Variants in RBM25 observed in about 807,000 individuals in gnomAD.
The protein encoded by RBM25 is RNA-binding protein 25.
Under a neutral mutation model 120.7 loss-of-function variants are expected in RBM25, and 19 were observed. The ratio of observed to expected loss-of-function variants is 0.16; its 90% CI spans 0.11 to 0.23. The LOEUF (loss-of-function observed/expected upper bound fraction) is 0.23. Ranked by LOEUF, RBM25 falls within the 10% of genes least tolerant of loss-of-function variation. The pLI is 1.00. For synonymous variants in RBM25, 390 were observed against 326.7 expected (o/e 1.19, Z -2.09); for missense variants, 605 against 1,041.5 (o/e 0.58, Z 5.77).
intron 6 of RBM25, 42 bp downstream of exon 6, chr14:73,088,203 C>T: frequency 6.2e-7 from 1 of 1,606,350 alleles, no homozygotes; most frequent in East Asian, 2.2e-5. Context: ...CCAGACTGTG[C>T]TATTTCAGTG....
intron 5 of RBM25, among the ~76,000 whole-genome samples, chr14:73,085,191 G>A (rs977067223): frequency 1.4e-4 from 21 of 151,460 alleles, no homozygotes; most frequent in African/African-American, 5.1e-4. Context: ...GCTAATTTTT[G>A]TACTTTTAGT....
chr14:73,074,823 A>T (rs1363188473), intron 2 of RBM25, among the ~76,000 whole-genome samples: 1 of 150,908 alleles, frequency 6.6e-6, no homozygotes, highest in Non-Finnish European at 1.5e-5. Context: ...CTCCTGATTC[A>T]GTCTCCCTAA....
chr14:73,064,520 G>T (rs536192517), intron 1 of RBM25, among the ~76,000 whole-genome samples: 1 of 150,778 alleles, frequency 6.6e-6, no homozygotes, highest in Non-Finnish European at 1.5e-5. Context: ...TCAGTCTCCC[G>T]AGTAGCTGGG....
At chr14:73,080,586 C>T (rs1390478431) in intron 4 of RBM25, among the ~76,000 whole-genome samples, 1 of 151,892 alleles carries the variant, frequency 6.6e-6, no homozygotes, top group East Asian at 1.9e-4. Context: ...TGTGAAATAC[C>T]TTATTCCTAT....
rs1895653644 is a variant in RBM25, at chr14:73,085,113, G to T, written c.382+1562G>T. Among the ~76,000 whole-genome samples, 4 of 151,790 alleles carry T rather than the reference G, an allele frequency of 2.6e-5. No homozygotes were observed. In the South Asian group the frequency reaches 8.3e-4, roughly 32 times the overall value. ...GGCTCACTGCAATCTCCAACTCCCT[G>T]ATTCAAACGATTCTCCAGCCTCAGC... is the stretch of plus-strand genomic sequence containing the variant. On this transcript the variant is annotated intron_variant, in intron 5 of 18. Coordinates refer to ENST00000261973, the MANE Select transcript of RBM25 (RefSeq NM_021239.3).
intron 9 of RBM25, chr14:73,101,737 T>C (rs1173912494): frequency 6.6e-6 from 1 of 152,168 alleles, no homozygotes; most frequent in Non-Finnish European, 1.5e-5. Context: ...AAATATTCTG[T>C]AAGTATCTAT....
chr14:73,061,394 T>C (rs1772328962), intron 1 of RBM25, among the ~76,000 whole-genome samples: 2 of 151,386 alleles, frequency 1.3e-5, no homozygotes, highest in South Asian at 4.2e-4. Context: ...TGAACTATAT[T>C]GACATAGAAA....
intron 5 of RBM25, among the ~76,000 whole-genome samples, chr14:73,086,677 C>G (rs1395359800): frequency 6.6e-6 from 1 of 152,162 alleles, no homozygotes; most frequent in Non-Finnish European, 1.5e-5. Flanking sequence ...AACATTGACA[C>G]TATCATCAGC....
chr14:73,115,253 A>G (rs1477728182), intron 18 of RBM25, among the ~76,000 whole-genome samples: 1 of 151,728 alleles, frequency 6.6e-6, no homozygotes, highest in Non-Finnish European at 1.5e-5. Flanking sequence ...GGTTTGTTGA[A>G]CAGATTATTT....
chr14:73,110,947 G>C lies in RBM25; in HGVS notation c.1809G>C (p.Glu603Asp), dbSNP rs769763216. ...AAAAACGAGAAGAACCCATGGAAGAGGAAGAGGAGCCAGAGCAAAAGCCTT... is the reference window on the plus strand; with the variant it reads ...AAAAACGAGAAGAACCCATGGAAGACGAAGAGGAGCCAGAGCAAAAGCCTT... Reference protein sequence around the residue: ...KEEKREEPMEEEEEPEQKPCL... With the variant: ...KEEKREEPMEDEEEPEQKPCL... The change falls in exon 15 of 19, where the codon GAG becomes GAC. Residue 603 changes from glutamate (E) to aspartate (D), a missense_variant. Glu to Asp is a conservative substitution (Grantham distance 45, BLOSUM62 2). Around this residue, in one of 4 missense-constraint regions of RBM25, gnomAD observed 465 missense variants for 741.6 expected, o/e 0.63. Coordinates refer to ENST00000261973, the MANE Select transcript of RBM25 (RefSeq NM_021239.3). 6.2e-7 allele frequency: 1 copy of C among 1,612,668 alleles called. No homozygotes were observed. Among genetic ancestry groups the C allele is most frequent in the Admixed American group, 1.7e-5 (1 of 59,680 alleles).
intron 9 of RBM25, chr14:73,100,252 T>A: frequency 1.5e-6 from 1 of 652,152 alleles, no homozygotes; most frequent in East Asian, 2.8e-5. Context: ...GGAAGAACTG[T>A]AAATTCCCAT....
At chr14:73,064,818 AT>A (rs1415670673) in intron 1 of RBM25, among the ~76,000 whole-genome samples, 1 of 151,512 alleles carries the variant, frequency 6.6e-6, no homozygotes, top group African/African-American at 2.4e-5. Flanking sequence ...GGAATATGTT[AT>A]GGAAAAATTT....
At position 73,119,880 on chromosome 14, in the gene RBM25, C is replaced by G; in HGVS notation, c.*75C>G. ...TTAAGGACTTTGAATTTTTCTTTGT[C>G]TTTGAAGACATTGTGAGATCTGTAA... On this transcript the variant is annotated 3_prime_UTR_variant, in exon 19 of 19. Transcript: ENST00000261973. 3 of 1,519,910 alleles carry G rather than the reference C, an allele frequency of 2.0e-6. No homozygotes were observed. The highest frequency in any genetic ancestry group is 2.6e-6 in the Non-Finnish European group (3 of 1,145,396). 94.2% of individuals were successfully genotyped at this position (1,519,910 alleles called of 1,614,324 possible).
intron 13 of RBM25, 148 bp from the exon 14 acceptor site, chr14:73,109,192 GGT>G: frequency 1.4e-6 from 1 of 740,608 alleles, no homozygotes; most frequent in Non-Finnish European, 2.3e-6. Context: ...AGCACACTCT[GGT>G]GTGTTCCGTA....
At chr14:73,090,421 C>T (rs1895788041) in intron 6 of RBM25, among the ~76,000 whole-genome samples, 1 of 152,170 alleles carries the variant, frequency 6.6e-6, no homozygotes, top group African/African-American at 2.4e-5. Context: ...CGTCTTCCCT[C>T]CCCTGCACAT....
In RBM25 at chr14:73,115,174, G is replaced by A. The variant is rs967997857; in HGVS notation, c.2439+841G>A. ...GATACGTGTGTGTGTGTGTGTGTGT[G>A]TGTGTGTGTGTGTGTTTTAAGTCGG... is the stretch of plus-strand genomic sequence containing the variant. On this transcript the variant is annotated intron_variant, in intron 18 of 18. Coordinates refer to ENST00000261973, the MANE Select transcript of RBM25 (RefSeq NM_021239.3). Among the ~76,000 whole-genome samples the A allele has an allele frequency of 1.1e-3, 171 of 152,036 alleles. 1 individual carries two copies. The highest frequency in any genetic ancestry group is 4.0e-3 in the African/African-American group (165 of 41,458).
chr14:73,083,371 TGTA>T, intron 4 of RBM25, 120 bp from the exon 5 acceptor site: 1 of 707,272 alleles, frequency 1.4e-6, no homozygotes, highest in Non-Finnish European at 2.2e-6. Flanking sequence ...TTTTCGCAAA[TGTA>T]GTTGCTGGTT....
In RBM25 at chr14:73,103,423, C is replaced by T. The variant is rs753068285; in HGVS notation, c.1099C>T (p.Arg367Cys). The T allele has an allele frequency of 1.2e-6, 2 of 1,613,444 alleles. No homozygotes were observed. Among genetic ancestry groups the T allele is most frequent in the South Asian group, 1.1e-5 (1 of 90,922 alleles). ...RDRDRDRERD[R>C]DRDRERSSDR... ...CCGAGATCGGGATCGAGAGAGAGATCGTGACCGGGATAGAGAAAGGAGCTC... is the reference window on the plus strand; with the variant it reads ...CCGAGATCGGGATCGAGAGAGAGATTGTGACCGGGATAGAGAAAGGAGCTC... Residue 367 changes from arginine to cysteine, a missense_variant, in exon 10 of 19, where the codon CGT becomes TGT. Transcript: ENST00000261973.
At chr14:73,078,638 C>T (rs1173025916) in intron 4 of RBM25, among the ~76,000 whole-genome samples, 1 of 152,094 alleles carries the variant, frequency 6.6e-6, no homozygotes, top group African/African-American at 2.4e-5. Flanking sequence ...GACAGATTTG[C>T]TCTGTCACAC....
Sources: gnomAD v4.1 joint callset for allele counts (sites outside exome capture counted in the v4.1 genomes callset) on GRCh38, gnomAD v4.1.1 for gene constraint, gnomAD v4.1.1 regional missense constraint, MANE v1.5 for transcripts, NCBI Gene and HGNC (gene_info 2026-07-23, HGNC 2026-07-21) for gene names.